The following KCNIP4 variants were observed in gnomAD, a reference collection of about 807,000 sequenced individuals.
The protein encoded by KCNIP4 is Kv channel-interacting protein 4.
A neutral mutation model predicts 34.0 loss-of-function variants in KCNIP4; 12 were observed. The ratio of observed to expected loss-of-function variants is 0.35; its 90% CI spans 0.23 to 0.57. The LOEUF is 0.57. Among genes scored for constraint, KCNIP4 ranks in the 20% least tolerant of loss-of-function variants. The pLI is 0.83. For missense variants in KCNIP4, 238 were observed against 311.7 expected (o/e 0.76, Z 1.78); for synonymous variants, 124 against 102.2 (o/e 1.21, Z -1.29).
At chr4:21,467,524 A>G (rs1730093943) in intron 1 of KCNIP4, among the ~76,000 whole-genome samples, 1 of 152,132 alleles carries the variant, frequency 6.6e-6, no homozygotes, top group South Asian at 2.1e-4. Context: ...CCGGCCTCAA[A>G]ACCAAGGCCG....
At chr4:21,749,780 G>A (rs1717027985) in intron 1 of KCNIP4, among the ~76,000 whole-genome samples, 1 of 152,114 alleles carries the variant, frequency 6.6e-6, no homozygotes, top group Admixed American at 6.6e-5. Flanking sequence ...ATGCCTGTTT[G>A]GAGCACACAT....
intron 1 of KCNIP4, among the ~76,000 whole-genome samples, chr4:21,904,264 T>C (rs1193819699): frequency 1.3e-5 from 2 of 152,306 alleles, no homozygotes; most frequent in East Asian, 1.9e-4. Context: ...GAGTCAGACA[T>C]ACCTGGATTC....
rs553794887 is a variant in KCNIP4, at chr4:21,791,888, G to T, written c.61+156683C>A. On this transcript the variant is annotated intron_variant, in intron 1 of 8. Coordinates refer to ENST00000382152, the MANE Select transcript of KCNIP4 (RefSeq NM_025221.6). ...GTGGTAGTGCATGTCTGTAATCCCAGCTACTCGGGAGGCTGAGGCAGGAGA... is the reference window on the plus strand; with the variant it reads ...GTGGTAGTGCATGTCTGTAATCCCATCTACTCGGGAGGCTGAGGCAGGAGA... Among the ~76,000 whole-genome samples, 445 of 149,764 alleles carry T rather than the reference G, an allele frequency of 3.0e-3. 4 individuals carry two copies. The highest frequency in any genetic ancestry group is 0.011 in the African/African-American group (431 of 40,966).
In KCNIP4 at chr4:21,400,488, C is replaced by CTCTCCTCTCCTCTCCTCTCCTCTTT. The variant is rs945392438; in HGVS notation, c.62-517780_62-517779insAAAGAGGAGAGGAGAGGAGAGGAGA. ...TGTTCCTCTCCTCTCCTCTCCTCTCCTCTCCCCTCCCTTCCCCTCCCTTCC... is the reference window on the plus strand; with the variant it reads ...TGTTCCTCTCCTCTCCTCTCCTCTCCTCTCCTCTCCTCTCCTCTCCTCTTTTCTCCCCTCCCTTCCCCTCCCTTCC... On this transcript the variant is annotated intron_variant, in intron 1 of 8. Transcript: ENST00000382152. Among the ~76,000 whole-genome samples, 112 of 120,050 alleles carry CTCTCCTCTCCTCTCCTCTCCTCTTT rather than the reference C, an allele frequency of 9.3e-4. 3 individuals are homozygous for CTCTCCTCTCCTCTCCTCTCCTCTTT. Among genetic ancestry groups the CTCTCCTCTCCTCTCCTCTCCTCTTT allele is most frequent in the South Asian group, 2.5e-3 (9 of 3,618 alleles). The allele number at this position is 120,050 out of a possible 152,430, so 78.8% of individuals were successfully genotyped here. A position where few individuals can be genotyped will look rare whatever the true frequency, so the allele number is the denominator to read the frequency against.
intron 1 of KCNIP4, among the ~76,000 whole-genome samples, chr4:21,604,778 C>T (rs1743501660): frequency 6.6e-6 from 1 of 152,052 alleles, no homozygotes; most frequent in Non-Finnish European, 1.5e-5. Context: ...TAAATTTAGA[C>T]AAATTCAAGC....
chr4:20,737,255 A>C (rs1480821813), intron 5 of KCNIP4, among the ~76,000 whole-genome samples: 1 of 151,714 alleles, frequency 6.6e-6, no homozygotes, highest in Non-Finnish European at 1.5e-5. Context: ...GAAGTGAGTC[A>C]GGAGAACAGA....
At chr4:21,016,284 C>CTTTTCTTTTTTTCTT (rs1376477063) in intron 1 of KCNIP4, among the ~76,000 whole-genome samples, 2 of 150,224 alleles carry the variant, frequency 1.3e-5, no homozygotes, top group African/African-American at 4.9e-5. Context: ...AGCTTTATTT[C>CTTTTCTTTTTTTCTT]TTTTCTTTTT....
intron 1 of KCNIP4, among the ~76,000 whole-genome samples, chr4:21,866,178 A>G (rs1366745543): frequency 6.6e-6 from 1 of 152,178 alleles, no homozygotes; most frequent in Non-Finnish European, 1.5e-5. Context: ...AAAAACATAC[A>G]GATAATCAGC....
chr4:20,875,723 T>TAA (rs544905723), intron 2 of KCNIP4, among the ~76,000 whole-genome samples: 1 of 149,662 alleles, frequency 6.7e-6, no homozygotes, highest in African/African-American at 2.4e-5. Flanking sequence ...GGTTAAACAT[T>TAA]AAAAAAAAAA....
chr4:20,801,326 ACT>A (rs1318870964), intron 3 of KCNIP4, among the ~76,000 whole-genome samples: 1 of 151,958 alleles, frequency 6.6e-6, no homozygotes, highest in Non-Finnish European at 1.5e-5. Flanking sequence ...CATTATAATT[ACT>A]GTCATAAGTA....
At chr4:20,953,320 T>C (rs1319376718) in intron 1 of KCNIP4, among the ~76,000 whole-genome samples, 1 of 152,192 alleles carries the variant, frequency 6.6e-6, no homozygotes, top group Non-Finnish European at 1.5e-5. Flanking sequence ...TTTGACTTCA[T>C]AATGACTAAA....
intron 1 of KCNIP4, among the ~76,000 whole-genome samples, chr4:21,887,765 T>C (rs1429109174): frequency 6.6e-6 from 1 of 152,134 alleles, no homozygotes; most frequent in Non-Finnish European, 1.5e-5. Flanking sequence ...ACTGAAAAGC[T>C]TAAAAGAGGT....
intron 1 of KCNIP4, among the ~76,000 whole-genome samples, chr4:21,702,631 A>C (rs188232924): frequency 2.0e-5 from 3 of 152,246 alleles, no homozygotes; most frequent in Admixed American, 1.3e-4. Context: ...ATTAAAAAAA[A>C]CTTCAGACCA....
At chr4:20,915,194 GAAATA>G (rs942134655) in intron 1 of KCNIP4, among the ~76,000 whole-genome samples, 10 of 152,090 alleles carry the variant, frequency 6.6e-5, no homozygotes, top group African/African-American at 2.4e-4. Context: ...CGTACTCCAG[GAAATA>G]AAATATTATA....
At chr4:21,334,869 C>A (rs186740863) in intron 1 of KCNIP4, among the ~76,000 whole-genome samples, 158 of 152,248 alleles carry the variant, frequency 1.0e-3, no homozygotes, top group Non-Finnish European at 1.5e-3. Context: ...ATGTTCCATT[C>A]TGTCAATATA....
At chr4:21,669,463 C>G (rs1226293337) in intron 1 of KCNIP4, among the ~76,000 whole-genome samples, 1 of 152,204 alleles carries the variant, frequency 6.6e-6, no homozygotes, top group Non-Finnish European at 1.5e-5. Flanking sequence ...ACATACAATA[C>G]ATGTAACATA....
intron 1 of KCNIP4, among the ~76,000 whole-genome samples, chr4:21,477,978 A>G (rs376367469): frequency 4.6e-5 from 7 of 152,210 alleles, no homozygotes; most frequent in African/African-American, 1.4e-4. Context: ...ATGAACAAAA[A>G]TCTATCTTCA....
rs540871300 is a variant in KCNIP4, at chr4:20,941,487, G to A, written c.62-58778C>T. Among the ~76,000 whole-genome samples the A allele has an allele frequency of 5.9e-5, 9 of 152,230 alleles. No individual in the cohort carries two copies. In the South Asian group the frequency reaches 1.7e-3, roughly 28 times the overall value. On this transcript the variant is annotated intron_variant, in intron 1 of 8. Transcript: ENST00000382152. ...AATGGAACATTCTGGTGGTGCCAAAGGAACGGAGAAAGAAGGACAAAAGAA... is the reference window on the plus strand; with the variant it reads ...AATGGAACATTCTGGTGGTGCCAAAAGAACGGAGAAAGAAGGACAAAAGAA...
At chr4:21,534,383 A>G (rs933112265) in intron 1 of KCNIP4, among the ~76,000 whole-genome samples, 1 of 152,192 alleles carries the variant, frequency 6.6e-6, no homozygotes, top group Non-Finnish European at 1.5e-5. Flanking sequence ...GGAATATGAT[A>G]AAGACTTTTA....
Sources: allele counts gnomAD v4.1 joint callset (sites outside exome capture counted in the v4.1 genomes callset), GRCh38; gene constraint gnomAD v4.1.1; transcripts MANE v1.5; gene names NCBI Gene and HGNC (gene_info 2026-07-23, HGNC 2026-07-21).